The following B3GALT1 variants were observed in gnomAD, a reference collection of about 807,000 sequenced individuals.
The protein encoded by B3GALT1 is UDP-Gal:betaGlcNAc beta 1,3-galactosyltransferase, polypeptide 1.
Under a neutral mutation model 23.2 loss-of-function variants are expected in B3GALT1, and 10 were observed. That is an observed-to-expected ratio of 0.43 (90% CI 0.27 to 0.73). B3GALT1 has a LOEUF of 0.73. Ranked by LOEUF, B3GALT1 falls within the 30% of genes least tolerant of loss-of-function variation. The pLI is 0.21. For missense variants in B3GALT1, 299 were observed against 405.4 expected (o/e 0.74, Z 2.25); for synonymous variants, 156 against 141.5 (o/e 1.10, Z -0.73).
intron 1 of B3GALT1, among the ~76,000 whole-genome samples, chr2:167,358,530 CT>C (rs201897472): frequency 2.0e-5 from 3 of 151,776 alleles, no homozygotes; most frequent in Admixed American, 6.6e-5. Flanking sequence ...TGTTTGTGAA[CT>C]TTTTTTTAGT....
chr2:167,346,141 A>G (rs1048322398), intron 1 of B3GALT1, among the ~76,000 whole-genome samples: 2 of 152,008 alleles, frequency 1.3e-5, no homozygotes, highest in Non-Finnish European at 2.9e-5. Context: ...TAGCAGTTTC[A>G]GTACGAAAAT....
intron 4 of B3GALT1, among the ~76,000 whole-genome samples, chr2:167,864,321 G>A (rs778854807): frequency 9.9e-5 from 15 of 152,178 alleles, no homozygotes; most frequent in Non-Finnish European, 1.9e-4. Flanking sequence ...GGATGGCCAA[G>A]GCCAGAGGAT....
At chr2:167,383,698 A>G (rs1281336249) in intron 1 of B3GALT1, among the ~76,000 whole-genome samples, 1 of 152,224 alleles carries the variant, frequency 6.6e-6, no homozygotes, top group Non-Finnish European at 1.5e-5. Context: ...AAGCAAATGC[A>G]TGAGTATCTA....
chr2:167,575,535 TA>T (rs1401692787), intron 2 of B3GALT1, among the ~76,000 whole-genome samples: 1 of 151,822 alleles, frequency 6.6e-6, no homozygotes, highest in Non-Finnish European at 1.5e-5. Context: ...ACTGATCCAC[TA>T]ATCTCACACT....
chr2:167,788,494 G>A (rs1688379325), intron 3 of B3GALT1, among the ~76,000 whole-genome samples: 1 of 152,096 alleles, frequency 6.6e-6, no homozygotes, highest in Non-Finnish European at 1.5e-5. Flanking sequence ...AGTCTCATAA[G>A]GCGCATGCAA....
chr2:167,750,246 GA>G (rs1030077562), intron 3 of B3GALT1, among the ~76,000 whole-genome samples: 14 of 152,062 alleles, frequency 9.2e-5, no homozygotes, highest in African/African-American at 3.1e-4. Context: ...TACTTAATGG[GA>G]AAAAAATCTA....
intron 1 of B3GALT1, among the ~76,000 whole-genome samples, chr2:167,475,919 A>C (rs1208945797): frequency 6.6e-6 from 1 of 152,132 alleles, no homozygotes; most frequent in Admixed American, 6.6e-5. Flanking sequence ...AGCAGCAGCC[A>C]AGGCAACAAA....
chr2:167,525,274 T>C (rs6753105), intron 2 of B3GALT1, among the ~76,000 whole-genome samples: 1,807 of 152,344 alleles, frequency 0.012, 77 homozygotes, highest in East Asian at 0.11. Context: ...GCTGTAGTTT[T>C]TTTTGTTTGG....
intron 2 of B3GALT1, among the ~76,000 whole-genome samples, chr2:167,573,671 G>A (rs1170028074): frequency 4.6e-5 from 7 of 151,686 alleles, no homozygotes; most frequent in Non-Finnish European, 8.9e-5. Context: ...ATTTTCTCAT[G>A]TTTAAAAATA....
intron 3 of B3GALT1, among the ~76,000 whole-genome samples, chr2:167,790,133 G>A (rs989508901): frequency 6.6e-5 from 10 of 152,106 alleles, no homozygotes; most frequent in South Asian, 2.1e-4. Context: ...TTGATGGCAC[G>A]CTTAACTCCT....
At chr2:167,717,774 A>G (rs1037707292) in intron 3 of B3GALT1, among the ~76,000 whole-genome samples, 7 of 152,226 alleles carry the variant, frequency 4.6e-5, no homozygotes, top group African/African-American at 1.7e-4. Flanking sequence ...TATGATGCCA[A>G]TTTATTTGGC....
At chr2:167,300,461 A>G (rs932586306) in intron 1 of B3GALT1, among the ~76,000 whole-genome samples, 1 of 152,222 alleles carries the variant, frequency 6.6e-6, no homozygotes, top group Non-Finnish European at 1.5e-5. Flanking sequence ...TCTAAAGTTC[A>G]TCTACAATAA....
chr2:167,868,826 T>C lies in B3GALT1; in HGVS notation c.-214T>C, dbSNP rs1256816891. On this transcript the variant is annotated 5_prime_UTR_variant, in exon 5 of 5. Coordinates refer to ENST00000392690, the MANE Select transcript of B3GALT1 (RefSeq NM_020981.4). Reference sequence around the variant, plus strand: ...GATTTTGCAGAGTTAAGAGGAAGATTTATGAGTCATGGAACCCTCCATCAG... The same window carrying C: ...GATTTTGCAGAGTTAAGAGGAAGATCTATGAGTCATGGAACCCTCCATCAG... 1 of 520,692 alleles carries C rather than the reference T, an allele frequency of 1.9e-6. No individual in the cohort carries two copies. The highest frequency in any genetic ancestry group is 3.5e-5 in the Admixed American group (1 of 28,814). The allele number at this position is 520,692 out of a possible 1,614,324, so 32.3% of individuals were successfully genotyped here.
chr2:167,440,138 T>A (rs1397189850), intron 1 of B3GALT1, among the ~76,000 whole-genome samples: 1 of 151,814 alleles, frequency 6.6e-6, no homozygotes, highest in African/African-American at 2.4e-5. Flanking sequence ...GGTCAGGAGA[T>A]CAAGACCATC....
At chr2:167,744,926 T>C (rs934208347) in intron 3 of B3GALT1, among the ~76,000 whole-genome samples, 6 of 152,212 alleles carry the variant, frequency 3.9e-5, no homozygotes, top group Non-Finnish European at 8.8e-5. Context: ...CTTGTTTTGT[T>C]TTTATATTCA....
At chr2:167,322,002 T>A (rs1696819278) in intron 1 of B3GALT1, among the ~76,000 whole-genome samples, 1 of 152,026 alleles carries the variant, frequency 6.6e-6, no homozygotes, top group Non-Finnish European at 1.5e-5. Flanking sequence ...TTTGATTGAC[T>A]CCAAAAATCC....
chr2:167,689,125 C>T (rs1326211347), intron 3 of B3GALT1, among the ~76,000 whole-genome samples: 14 of 120,374 alleles, frequency 1.2e-4, no homozygotes, highest in Non-Finnish European at 1.9e-4. Flanking sequence ...AGTCAAACCT[C>T]GCCCCCAAAA....
intron 1 of B3GALT1, among the ~76,000 whole-genome samples, chr2:167,362,146 T>A (rs533267014): frequency 2.4e-4 from 36 of 152,234 alleles, no homozygotes; most frequent in East Asian, 1.9e-3. Context: ...TTTTTTTTTT[T>A]AAATATGTAT....
At chr2:167,370,061 CTG>C (rs952822556) in intron 1 of B3GALT1, among the ~76,000 whole-genome samples, 5 of 152,152 alleles carry the variant, frequency 3.3e-5, no homozygotes, top group Admixed American at 2.6e-4. Context: ...TTGAAATTAA[CTG>C]TAATTAAATG....
Sources: allele counts gnomAD v4.1 joint callset (sites outside exome capture counted in the v4.1 genomes callset), GRCh38; gene constraint gnomAD v4.1.1; transcripts MANE v1.5; gene names NCBI Gene and HGNC (gene_info 2026-07-23, HGNC 2026-07-21).